PAWR: variants seen among roughly 807,000 people sequenced by gnomAD.
PAWR encodes the protein PRKC apoptosis WT1 regulator protein.
A neutral mutation model predicts 32.0 loss-of-function variants in PAWR; 23 were observed. The observed-to-expected ratio is 0.72, with a 90% CI of 0.52 to 1.02. PAWR has a LOEUF of 1.02. Among genes scored for constraint, PAWR ranks in the 50% least tolerant of loss-of-function variants. PAWR has a pLI of 0.00. For synonymous variants in PAWR, 226 were observed against 187.1 expected, an observed-to-expected ratio of 1.21 and a Z score of -1.70; for missense variants, 457 against 437.7, an observed-to-expected ratio of 1.04 and a Z score of -0.39.
chr12:79,597,605 C>T (rs1157210901), intron 4 of PAWR, among the ~76,000 whole-genome samples: 1 of 152,108 alleles, frequency 6.6e-6, no homozygotes, highest in South Asian at 2.1e-4. Context: ...TGCATACAGG[C>T]AATCAATACA....
At chr12:79,637,818 G>T (rs180948880) in intron 2 of PAWR, among the ~76,000 whole-genome samples, 1 of 151,760 alleles carries the variant, frequency 6.6e-6, no homozygotes, top group Non-Finnish European at 1.5e-5. Flanking sequence ...TTAAAAAAAA[G>T]AAAAAAGAAA....
intron 3 of PAWR, among the ~76,000 whole-genome samples, chr12:79,618,569 C>T (rs1356356144): frequency 1.3e-5 from 2 of 152,140 alleles, no homozygotes; most frequent in Non-Finnish European, 2.9e-5. Context: ...CACCCATTGG[C>T]CAATGTTTCT....
intron 4 of PAWR, chr12:79,603,665 C>CAATTTTTTTTTTT (rs1565998443): frequency 1.4e-5 from 2 of 141,464 alleles, no homozygotes; most frequent in African/African-American, 5.3e-5. Context: ...CATCATTATG[C>CAATTTTTTTTTTT]TATTTTTTTT....
rs1403328612 is a variant in PAWR at position 79,639,884 on chromosome 12, T to TCCTATTC, written c.517-18678_517-18677insGAATAGG. Reference sequence around the variant, plus strand: ...TTCCTATTCCTATTCCTATTCCTATTCCATTCCATTCCATTCCATTCCATT... The same window carrying TCCTATTC: ...TTCCTATTCCTATTCCTATTCCTATTCCTATTCCCATTCCATTCCATTCCATTCCATT... On this transcript the variant is annotated intron_variant, in intron 2 of 6. Transcript: ENST00000328827. Among the ~76,000 whole-genome samples, 24 of 77,598 alleles carry TCCTATTC rather than the reference T, an allele frequency of 3.1e-4. 2 individuals are homozygous for TCCTATTC. The highest frequency in any genetic ancestry group is 8.8e-4 in the African/African-American group (24 of 27,228). The allele number at this position is 77,598 out of a possible 152,430, so 50.9% of individuals were successfully genotyped here.
At chr12:79,595,833 C>T (rs1873729890) in intron 5 of PAWR, among the ~76,000 whole-genome samples, 1 of 151,934 alleles carries the variant, frequency 6.6e-6, no homozygotes, top group Admixed American at 6.6e-5. Context: ...GCTTAGGCAA[C>T]AAGAGCGAAA....
chr12:79,595,697 A>C (rs1873724907), intron 5 of PAWR, among the ~76,000 whole-genome samples: 1 of 152,056 alleles, frequency 6.6e-6, no homozygotes, highest in Non-Finnish European at 1.5e-5. Flanking sequence ...AAATACAAAA[A>C]AAGAATTAGC....
At chr12:79,601,504 C>T (rs1490280900) in intron 4 of PAWR, among the ~76,000 whole-genome samples, 1 of 151,856 alleles carries the variant, frequency 6.6e-6, no homozygotes. Context: ...CACGCCTGGC[C>T]CTGAAAGCTA....
In PAWR at chr12:79,662,201, CAAAAAAAA is replaced by C. The variant is rs57565065; in HGVS notation, c.516+27520_516+27527del. ...CTGGGCAACATACTGAGACATCTCT[CAAAAAAAA>C]AAAAAAAAAAAAAAGCATACTAATG... is the stretch of plus-strand genomic sequence containing the variant. On this transcript the variant is annotated intron_variant, in intron 2 of 6. Transcript: ENST00000328827. 4.2e-4 allele frequency among the ~76,000 whole-genome samples: 19 copies of C among 45,714 alleles called. 1 individual carries two copies. Among genetic ancestry groups the C allele is most frequent in the African/African-American group, 1.3e-3 (18 of 14,346 alleles). The allele number at this position is 45,714 out of a possible 152,430, so 30.0% of individuals were successfully genotyped here.
intron 2 of PAWR, among the ~76,000 whole-genome samples, chr12:79,636,366 G>T (rs922058659): frequency 6.6e-6 from 1 of 152,088 alleles, no homozygotes; most frequent in African/African-American, 2.4e-5. Flanking sequence ...ATATGGAGAA[G>T]AGTATAACTT....
chr12:79,687,048 C>T (rs1472828165), intron 2 of PAWR, among the ~76,000 whole-genome samples: 1 of 151,960 alleles, frequency 6.6e-6, no homozygotes, highest in Non-Finnish European at 1.5e-5. Flanking sequence ...AAGTATGCCA[C>T]GTCCAAATTA....
chr12:79,676,755 T>C (rs1878190094), intron 2 of PAWR, among the ~76,000 whole-genome samples: 2 of 152,282 alleles, frequency 1.3e-5, no homozygotes, highest in African/African-American at 4.8e-5. Context: ...ATAAGCCCTC[T>C]ACCCCAATCA....
intron 4 of PAWR, among the ~76,000 whole-genome samples, chr12:79,600,510 T>C (rs1195199887): frequency 6.6e-6 from 1 of 152,038 alleles, no homozygotes; most frequent in Non-Finnish European, 1.5e-5. Context: ...TCTTGCACTG[T>C]CACCCAGGCT....
At chr12:79,661,286 A>G (rs1490953480) in intron 2 of PAWR, among the ~76,000 whole-genome samples, 1 of 151,888 alleles carries the variant, frequency 6.6e-6, no homozygotes, top group Non-Finnish European at 1.5e-5. Context: ...CATTTTAGTA[A>G]ACTTTGAGCC....
rs1448646586 is a variant in PAWR, at chr12:79,632,333, A to G, written c.517-11126T>C. ...CATACATATATATATATATATATAT[A>G]TATATATATATATATATATATATAT... On this transcript the variant is annotated intron_variant, in intron 2 of 6. Coordinates refer to ENST00000328827, the MANE Select transcript of PAWR (RefSeq NM_002583.4). Among the ~76,000 whole-genome samples the G allele has an allele frequency of 1.5e-4, 7 of 47,522 alleles. 1 individual carries two copies. The highest frequency in any genetic ancestry group is 4.0e-4 in the African/African-American group (1 of 2,514). The allele number at this position is 47,522 out of a possible 152,430, so 31.2% of individuals were successfully genotyped here.
intron 4 of PAWR, among the ~76,000 whole-genome samples, chr12:79,612,118 C>T (rs549614996): frequency 1.6e-3 from 236 of 152,190 alleles, no homozygotes; most frequent in African/African-American, 5.3e-3. Context: ...AAGGCTATTT[C>T]ATAATTATTT....
chr12:79,637,557 AGAT>A (rs1876021581), intron 2 of PAWR, among the ~76,000 whole-genome samples: 3 of 148,942 alleles, frequency 2.0e-5, no homozygotes, highest in Admixed American at 6.6e-5. Flanking sequence ...AAAAAAAAAA[AGAT>A]AAATTGAAAT....
chr12:79,602,796 A>T (rs1365846687), intron 4 of PAWR, among the ~76,000 whole-genome samples: 5 of 142,442 alleles, frequency 3.5e-5, no homozygotes, highest in Non-Finnish European at 7.5e-5. Flanking sequence ...TTTTGTAGAG[A>T]CGTGTCACTA....
rs1878943578 is a variant in PAWR at position 79,690,255 on chromosome 12, G to A, written c.-11C>T. ...GCCACCGGTCGCCATATTCCCAAAGGGGCCGGTCGGGCTCTCACCTCAGGC... is the reference window on the plus strand; with the variant it reads ...GCCACCGGTCGCCATATTCCCAAAGAGGCCGGTCGGGCTCTCACCTCAGGC... On this transcript the variant is annotated 5_prime_UTR_variant, in exon 2 of 7. Coordinates refer to ENST00000328827, the MANE Select transcript of PAWR (RefSeq NM_002583.4). The A allele has an allele frequency of 6.7e-7, 1 of 1,492,060 alleles. No homozygotes were observed. Among genetic ancestry groups the A allele is most frequent in the Non-Finnish European group, 8.9e-7 (1 of 1,125,512 alleles). 92.4% of individuals were successfully genotyped at this position (1,492,060 alleles called of 1,614,324 possible).
At chr12:79,612,920 C>T (rs900025033) in intron 4 of PAWR, among the ~76,000 whole-genome samples, 5 of 152,280 alleles carry the variant, frequency 3.3e-5, no homozygotes, top group Non-Finnish European at 5.9e-5. Flanking sequence ...GGTGGTGCAA[C>T]GGACTGATCT....
Sources: allele counts gnomAD v4.1 joint callset (sites outside exome capture counted in the v4.1 genomes callset), GRCh38; gene constraint gnomAD v4.1.1; transcripts MANE v1.5; gene names NCBI Gene and HGNC (gene_info 2026-07-23, HGNC 2026-07-21).